Variants in ERBB2 observed in about 807,000 individuals in gnomAD.
ERBB2 encodes the protein erb-b2 receptor tyrosine kinase 2.
ERBB2 carries 61 observed loss-of-function variants against 149.0 expected under a neutral mutation model. That is an observed-to-expected ratio of 0.41 (90% CI 0.33 to 0.51). The LOEUF (loss-of-function observed/expected upper bound fraction) is 0.51. ERBB2 is among the 20% of genes least tolerant of loss of function. The pLI is 0.25. For missense variants in ERBB2, 1,205 were observed against 1,655.1 expected, an observed-to-expected ratio of 0.73 and a Z score of 4.72; for synonymous variants, 633 against 678.8, an observed-to-expected ratio of 0.93 and a Z score of 1.05.
rs998740859 is a variant in ERBB2 at position 39,707,007 on chromosome 17, A to G, written c.91A>G (p.Met31Val). 2 of 1,593,862 alleles carry G rather than the reference A, an allele frequency of 1.3e-6. No homozygotes were observed. Among genetic ancestry groups the G allele is most frequent in the South Asian group, 1.1e-5 (1 of 88,106 alleles). Residue 31 changes from methionine to valine, a missense_variant, in exon 2 of 27, where the codon ATG becomes GTG. By Grantham distance (21) the Met-to-Val change is conservative (BLOSUM62 1). Around this residue, in one of 6 missense-constraint regions of ERBB2, gnomAD observed 101 missense variants for 95.1 expected, o/e 1.06. Coordinates refer to ENST00000269571, the MANE Select transcript of ERBB2 (RefSeq NM_004448.4). Reference sequence around the variant, plus strand: ...CCTGCCAGTGTGCACCGGCACAGACATGAAGCTGCGGCTCCCTGCCAGTCC... The same window carrying G: ...CCTGCCAGTGTGCACCGGCACAGACGTGAAGCTGCGGCTCCCTGCCAGTCC... ...ASTQVCTGTD[M>V]KLRLPASPET...
upstream of ERBB2, among the ~76,000 whole-genome samples, chr17:39,693,757 C>T (rs536769438): frequency 1.1e-4 from 16 of 140,390 alleles, no homozygotes; most frequent in South Asian, 3.3e-3. Context: ...GACTCCATCT[C>T]GAAAATAAAA....
chr17:39,717,519 C>T (rs771951918), intron 15 of ERBB2, 39 bp downstream of exon 15: 2 of 1,560,194 alleles, frequency 1.3e-6, no homozygotes, highest in South Asian at 2.3e-5. Context: ...GGAGGACTTT[C>T]CTTTCAGGGG....
At chr17:39,703,807 T>C (rs1462222244) in intron 1 of ERBB2, among the ~76,000 whole-genome samples, 2 of 152,242 alleles carry the variant, frequency 1.3e-5, no homozygotes, top group Non-Finnish European at 2.9e-5. Context: ...AATCCCAGTG[T>C]CACTTGAATG....
chr17:39,698,520 A>C (rs1484933373), upstream of ERBB2, among the ~76,000 whole-genome samples: 1 of 152,016 alleles, frequency 6.6e-6, no homozygotes, highest in Non-Finnish European at 1.5e-5. Context: ...CGGCCTCCCA[A>C]AGTGCTGGAA....
At chr17:39,712,603 G>T (rs1428959723) in intron 9 of ERBB2, among the ~76,000 whole-genome samples, 155 bp downstream of exon 9, 1 of 152,140 alleles carries the variant, frequency 6.6e-6, no homozygotes, top group Non-Finnish European at 1.5e-5. Flanking sequence ...CAGGGCCTTT[G>T]GTGGGTGGGG....
At chr17:39,694,251 A>ATGTG (rs1567888019), upstream of ERBB2, among the ~76,000 whole-genome samples, 490 of 29,970 alleles carry the variant, frequency 0.016, 33 homozygotes, top group Non-Finnish European at 0.034. Context: ...ATATATATAT[A>ATGTG]TATATATATA....
Position 39,723,658 on chromosome 17 carries a change from A to G in ERBB2, c.2206A>G (p.Lys736Glu). Residue 736 changes from lysine to glutamate, a missense_variant and splice_region_variant, in exon 18 of 27, where the codon AAG (lysine) becomes GAG (glutamate). Lys to Glu is a moderately conservative substitution (Grantham distance 56). This residue lies in a region of ERBB2 where 152 missense variants were observed against 318.1 expected (regional missense o/e 0.48). Transcript: ENST00000269571. This position sits in a 1 kb window ranked among gnomAD's most constrained non-coding sequence, Gnocchi z 6.2. ...LGSGAFGTVYKGIWIPDGENV... is the reference protein window; with the variant it reads ...LGSGAFGTVYEGIWIPDGENV... ...ATCTGGCGCTTTTGGCACAGTCTAC[A>G]AGGTCAGGGCCAGGTCCTGGGGTGG... 6.2e-7 allele frequency: 1 copy of G among 1,601,838 alleles called. No homozygotes were observed. The highest frequency in any genetic ancestry group is 1.7e-4 in the Middle Eastern group (1 of 5,824).
At chr17:39,690,268 T>C (rs2517960), upstream of ERBB2, among the ~76,000 whole-genome samples, 78,222 of 151,472 alleles carry the variant, frequency 0.52, 22,910 homozygotes, top group South Asian at 0.69. Flanking sequence ...TAATTTTTTG[T>C]AGAGACACGG....
chr17:39,705,339 A>G (rs2058363213), intron 1 of ERBB2, among the ~76,000 whole-genome samples: 1 of 152,168 alleles, frequency 6.6e-6, no homozygotes, highest in Non-Finnish European at 1.5e-5. Context: ...GGGCCTGCAG[A>G]CAGCTGTGTC....
upstream of ERBB2, chr17:39,699,999 A>G (rs960565057): frequency 3.6e-5 from 46 of 1,266,118 alleles, no homozygotes; most frequent in Non-Finnish European, 4.1e-5. Context: ...ATCACAGGAG[A>G]AGGAGGAGGT....
chr17:39,711,600 C>CATGA (rs1307744614), intron 7 of ERBB2, among the ~76,000 whole-genome samples: 1 of 152,218 alleles, frequency 6.6e-6, no homozygotes, highest in Non-Finnish European at 1.5e-5. Flanking sequence ...AGTGGGCCTT[C>CATGA]AGATCCTGGC....
intron 7 of ERBB2, 63 bp downstream of exon 7, chr17:39,710,544 G>T: frequency 6.4e-7 from 1 of 1,573,150 alleles, no homozygotes; most frequent in Non-Finnish European, 8.7e-7. Context: ...CTGTAAATGG[G>T]AGCATATGGG....
intron 16 of ERBB2, among the ~76,000 whole-genome samples, chr17:39,721,276 T>C (rs1291869336): frequency 6.8e-5 from 10 of 147,698 alleles, no homozygotes; most frequent in Non-Finnish European, 1.3e-4. Flanking sequence ...TTTTTTTTTT[T>C]TTTTTTTGAT....
At position 39,700,171 on chromosome 17, in the gene ERBB2, A is replaced by T; in HGVS notation, c.-68A>T. 5 of 1,342,730 alleles carry T rather than the reference A, an allele frequency of 3.7e-6. No homozygotes were observed. Among genetic ancestry groups the T allele is most frequent in the Non-Finnish European group, 4.7e-6 (5 of 1,054,516 alleles). The allele number at this position is 1,342,730 out of a possible 1,614,324, so 83.2% of individuals were successfully genotyped here. A position where few individuals can be genotyped will look rare whatever the true frequency, so the allele number is the denominator to read the frequency against. ...GCGCCCGGCCCCCACCCCTCGCAGC[A>T]CCCCGCGCCCCGCGCCCTCCCAGCC... On this transcript the variant is annotated 5_prime_UTR_variant, in exon 1 of 27. Coordinates refer to ENST00000269571, the MANE Select transcript of ERBB2 (RefSeq NM_004448.4).
chr17:39,716,010 G>C, intron 12 of ERBB2, 71 bp downstream of exon 12: 4 of 1,463,614 alleles, frequency 2.7e-6, no homozygotes, highest in Non-Finnish European at 3.7e-6. Flanking sequence ...GGCCCTGGCA[G>C]CAGCGTTCTT....
At chr17:39,722,203 G>C (rs1003983796) in intron 16 of ERBB2, among the ~76,000 whole-genome samples, 2 of 152,050 alleles carry the variant, frequency 1.3e-5, no homozygotes, top group Admixed American at 6.6e-5. Context: ...CCTACTTTCA[G>C]TATTCAATAA....
intron 16 of ERBB2, chr17:39,720,077 T>G (rs2059367334): frequency 1.9e-6 from 1 of 518,840 alleles, no homozygotes; most frequent in South Asian, 2.1e-5. Context: ...TAGAGTAACT[T>G]GATGCCTTGT....
chr17:39,725,312 C>A lies in ERBB2; in HGVS notation c.2650-15C>A, dbSNP rs367622759. 1 of 1,613,966 alleles carries A rather than the reference C, an allele frequency of 6.2e-7. No homozygotes were observed. ...ACAACACACAGTTGGAGGACTTCCT[C>A]TTCTGCCCTCCCAGGTGCCCATCAA... is the stretch of plus-strand genomic sequence containing the variant. On this transcript the variant is annotated splice_polypyrimidine_tract_variant and intron_variant, in intron 21 of 26. Coordinates refer to ENST00000269571, the MANE Select transcript of ERBB2 (RefSeq NM_004448.4). This position sits in a 1 kb window ranked among gnomAD's most constrained non-coding sequence, Gnocchi z 4.6.
At chr17:39,690,858 T>C (rs2057679262), upstream of ERBB2, among the ~76,000 whole-genome samples, 3 of 152,086 alleles carry the variant, frequency 2.0e-5, no homozygotes, top group African/African-American at 2.4e-5. Context: ...CATATGTTAA[T>C]AGTAGAGTGT....
Sources: allele counts gnomAD v4.1 joint callset (sites outside exome capture counted in the v4.1 genomes callset), GRCh38; gene constraint gnomAD v4.1.1; regional missense constraint gnomAD v4.1.1; non-coding constraint Gnocchi (gnomAD v3.1); transcripts MANE v1.5; gene names NCBI Gene and HGNC (gene_info 2026-07-23, HGNC 2026-07-21).